ACTA2: variants seen among roughly 807,000 people sequenced by gnomAD.
The protein encoded by ACTA2 is actin, aortic smooth muscle.
In ACTA2, 12 loss-of-function variants were observed where a neutral mutation model predicts 39.5. The observed-to-expected ratio is 0.30, with a 90% CI of 0.19 to 0.49. ACTA2 has a LOEUF of 0.49. ACTA2 is among the 20% of genes least tolerant of loss of function. The pLI, the probability that ACTA2 is intolerant of heterozygous loss-of-function variation, is 0.99. For missense variants in ACTA2, 236 were observed against 498.8 expected, an observed-to-expected ratio of 0.47 and a Z score of 5.02; for synonymous variants, 158 against 180.6, an observed-to-expected ratio of 0.88 and a Z score of 1.00.
intron 1 of ACTA2, among the ~76,000 whole-genome samples, chr10:88,959,734 T>C (rs1354487417): frequency 6.6e-6 from 1 of 152,220 alleles, no homozygotes; most frequent in Non-Finnish European, 1.5e-5. Context: ...TACTTAATGT[T>C]CCTTTTTTGT....
rs114876810 is a variant in ACTA2, at chr10:88,945,932, G to T, written c.258+1326C>A. Among the ~76,000 whole-genome samples the T allele has an allele frequency of 5.8e-3, 882 of 152,292 alleles. 3 individuals carry two copies. Among genetic ancestry groups the T allele is most frequent in the African/African-American group, 0.02 (829 of 41,552 alleles). ...AGCCCCTGATGAAAATGAAAGGAGG[G>T]TTTTCATTCTCTGAGCTGCTGCTCA... is the stretch of plus-strand genomic sequence containing the variant. On this transcript the variant is annotated intron_variant, in intron 3 of 8. Coordinates refer to ENST00000224784, the MANE Select transcript of ACTA2 (RefSeq NM_001613.4).
At chr10:88,988,788 G>C (rs1191336531) in intron 1 of ACTA2, among the ~76,000 whole-genome samples, 5 of 152,094 alleles carry the variant, frequency 3.3e-5, no homozygotes, top group African/African-American at 1.2e-4. Flanking sequence ...GAAGTTTGGG[G>C]AACAGTATAT....
intron 3 of ACTA2, among the ~76,000 whole-genome samples, chr10:88,945,430 G>A (rs117680601): frequency 6.6e-6 from 1 of 152,192 alleles, no homozygotes; most frequent in South Asian, 2.1e-4. Flanking sequence ...AGTAGTAGTA[G>A]TGAGCCGATA....
intron 1 of ACTA2, among the ~76,000 whole-genome samples, chr10:88,975,926 A>C (rs1344269777): frequency 6.6e-6 from 1 of 152,120 alleles, no homozygotes; most frequent in Non-Finnish European, 1.5e-5. Context: ...ATAGAAGCCA[A>C]ATTTCTTTCC....
chr10:88,991,015 C>CG lies in ACTA2; in HGVS notation c.-101dup, dbSNP rs1847155708. 3 of 1,492,158 alleles carry CG rather than the reference C, an allele frequency of 2.0e-6. No individual in the cohort carries two copies. The Admixed American group carries it at 5.4e-5, about 27-fold the overall frequency. The allele number at this position is 1,492,158 out of a possible 1,614,324, so 92.4% of individuals were successfully genotyped here. A position where few individuals can be genotyped will look rare whatever the true frequency, so the allele number is the denominator to read the frequency against. On this transcript the variant is annotated 5_prime_UTR_variant, in exon 1 of 5. Coordinates refer to the ACTA2 transcript ENST00000415557. ...GGGATTGCGGCGGCAGCGGCGCACGCGGGCACCTGGGAGCGGCGGGCTGCT... is the reference window on the plus strand; with the variant it reads ...GGGATTGCGGCGGCAGCGGCGCACGCGGGGCACCTGGGAGCGGCGGGCTGCT...
At chr10:88,959,793 C>T (rs1846197732) in intron 1 of ACTA2, among the ~76,000 whole-genome samples, 1 of 152,158 alleles carries the variant, frequency 6.6e-6, no homozygotes, top group Admixed American at 6.5e-5. Flanking sequence ...GCCATGTCCT[C>T]TTAGCTGTGA....
Position 88,990,213 on chromosome 10 carries a change from T to C in ACTA2, c.-24+726A>G, listed in dbSNP as rs34995925. Among the ~76,000 whole-genome samples, 51 of 152,368 alleles carry C rather than the reference T, an allele frequency of 3.3e-4. No individual in the cohort carries two copies. The highest frequency in any genetic ancestry group is 5.3e-4 in the Non-Finnish European group (36 of 68,034). On this transcript the variant is annotated intron_variant, in intron 1 of 4. Coordinates refer to the ACTA2 transcript ENST00000415557. The surrounding 1 kb of genome is among the most constrained non-coding windows in gnomAD (Gnocchi z 4.9). ...GTTAACTGTCCATTCCAGAAACGTC[T>C]GTGAGCCTCTCATGTTGCAGCCACA...
intron 3 of ACTA2, among the ~76,000 whole-genome samples, chr10:88,944,834 C>A (rs1411337624): frequency 6.6e-6 from 1 of 152,244 alleles, no homozygotes; most frequent in East Asian, 1.9e-4. Context: ...ATTAATTAAT[C>A]TTTAAAAGCA....
rs1349358816 is a variant in ACTA2 at position 88,943,927 on chromosome 10, A to T, written c.259-20T>A. On this transcript the variant is annotated intron_variant, in intron 3 of 8. Coordinates refer to ENST00000224784, the MANE Select transcript of ACTA2 (RefSeq NM_001613.4). The stretch of plus-strand genomic sequence containing the variant: ...CCAGATCTAGTGAGTTGGGGGACAG[A>T]GGAGAAACACAATGATGTGCTGTCA... 1 of 1,606,174 alleles carries T rather than the reference A, an allele frequency of 6.2e-7. No homozygotes were observed. The highest frequency in any genetic ancestry group is 1.7e-5 in the Admixed American group (1 of 60,000).
At chr10:88,935,493 T>A in intron 8 of ACTA2, 127 bp from the exon 9 acceptor site, 1 of 1,049,320 alleles carries the variant, frequency 9.5e-7, no homozygotes, top group South Asian at 1.3e-5. Flanking sequence ...CAGGCTTGTC[T>A]GTTAGATGCC....
At chr10:88,954,207 A>G (rs1276157597), upstream of ACTA2, among the ~76,000 whole-genome samples, 1 of 152,162 alleles carries the variant, frequency 6.6e-6, no homozygotes, top group Non-Finnish European at 1.5e-5. Context: ...TCATGTTACT[A>G]TGTCAGATCT....
intron 1 of ACTA2, among the ~76,000 whole-genome samples, chr10:88,968,843 T>C (rs1846369873): frequency 2.0e-5 from 3 of 152,340 alleles, no homozygotes; most frequent in South Asian, 4.1e-4. Context: ...TATACCTTAT[T>C]CATCCCTTTT....
intron 1 of ACTA2, among the ~76,000 whole-genome samples, chr10:88,952,129 C>T (rs527967058): frequency 1.1e-3 from 174 of 152,316 alleles, no homozygotes; most frequent in Non-Finnish European, 1.9e-3. Flanking sequence ...TAGATCCAAA[C>T]TTGTAAGGTC....
chr10:88,973,368 C>T (rs889378215), intron 1 of ACTA2: 37 of 1,448,262 alleles, frequency 2.6e-5, no homozygotes, highest in Middle Eastern at 3.7e-4. Context: ...AATTGCCAGG[C>T]GAACAATTGT....
At chr10:88,954,978 A>G (rs1291801748), upstream of ACTA2, among the ~76,000 whole-genome samples, 1 of 146,838 alleles carries the variant, frequency 6.8e-6, no homozygotes, top group Non-Finnish European at 1.5e-5. Context: ...CATGTATCCA[A>G]GGGGTTATGG....
At chr10:88,983,538 C>T (rs1283680560) in intron 1 of ACTA2, among the ~76,000 whole-genome samples, 2 of 122,562 alleles carry the variant, frequency 1.6e-5, no homozygotes, top group Non-Finnish European at 3.2e-5. Context: ...AGTTTCTTTT[C>T]TATAAAATAG....
intron 2 of ACTA2, chr10:88,948,251 TGAA>T (rs1193482879): frequency 6.1e-6 from 1 of 163,320 alleles, no homozygotes; most frequent in African/African-American, 2.4e-5. Flanking sequence ...ATTTCTGATG[TGAA>T]GAAGAATTTC....
At chr10:88,938,757 G>T (rs1845794102) in intron 7 of ACTA2, among the ~76,000 whole-genome samples, 1 of 149,126 alleles carries the variant, frequency 6.7e-6, no homozygotes. Flanking sequence ...TGGGGGTCTG[G>T]ACTTTTGTTA....
chr10:88,948,543 A>T, intron 2 of ACTA2: 1 of 434,602 alleles, frequency 2.3e-6, no homozygotes, highest in Non-Finnish European at 4.3e-6. Flanking sequence ...GATGATGATG[A>T]TGATGATGAT....
Sources: allele counts gnomAD v4.1 joint callset (sites outside exome capture counted in the v4.1 genomes callset), GRCh38; gene constraint gnomAD v4.1.1; non-coding constraint Gnocchi (gnomAD v3.1); transcripts MANE v1.5; gene names NCBI Gene and HGNC (gene_info 2026-07-23, HGNC 2026-07-21).